The following PAK1 variants were observed in gnomAD, a reference collection of about 807,000 sequenced individuals.
The protein encoded by PAK1 is serine/threonine-protein kinase PAK 1.
A neutral mutation model predicts 67.4 loss-of-function variants in PAK1; 29 were observed. The observed-to-expected ratio is 0.43, with a 90% CI of 0.32 to 0.59. The LOEUF (loss-of-function observed/expected upper bound fraction) is 0.59, where lower values mean the gene tolerates loss of function less well. PAK1 is among the 20% of genes least tolerant of loss of function. The pLI is 0.07. For synonymous variants in PAK1, 223 were observed against 237.4 expected (o/e 0.94, Z 0.56); for missense variants, 337 against 670.7 (o/e 0.50, Z 5.50).
chr11:77,424,896 T>C (rs1002123313), intron 1 of PAK1, among the ~76,000 whole-genome samples: 1 of 152,232 alleles, frequency 6.6e-6, no homozygotes, highest in African/African-American at 2.4e-5. Context: ...AAATGCTTCA[T>C]TCATCTCTGT....
At chr11:77,437,108 TA>T (rs1248904443) in intron 1 of PAK1, among the ~76,000 whole-genome samples, 2 of 152,052 alleles carry the variant, frequency 1.3e-5, no homozygotes, top group East Asian at 3.8e-4. Context: ...GATAAAGAGG[TA>T]AATCATTTAC....
the PAK1 span, among the ~76,000 whole-genome samples, chr11:77,489,321 A>G: frequency 6.6e-6 from 1 of 152,222 alleles, no homozygotes; most frequent in Admixed American, 6.5e-5. Flanking sequence ...TAGTTCTTCA[A>G]TTTGAAAGAA....
the PAK1 span, among the ~76,000 whole-genome samples, chr11:77,492,356 A>G: frequency 7.1e-6 from 1 of 139,900 alleles, no homozygotes; most frequent in African/African-American, 3.2e-5. Flanking sequence ...CAAAAACAAC[A>G]ACAAAAAAAA....
At chr11:77,411,603 T>A (rs1420990655) in intron 1 of PAK1, among the ~76,000 whole-genome samples, 2 of 152,056 alleles carry the variant, frequency 1.3e-5, no homozygotes, top group African/African-American at 4.8e-5. Context: ...GGTGGGCTCA[T>A]CTAAAGGTTC....
At chr11:77,371,425 C>T (rs984205415) in intron 5 of PAK1, among the ~76,000 whole-genome samples, 5 of 152,114 alleles carry the variant, frequency 3.3e-5, no homozygotes, top group African/African-American at 9.7e-5. Context: ...AGACAGTGCA[C>T]GTTCATTTTT....
At chr11:77,414,578 A>G (rs1449427591) in intron 1 of PAK1, among the ~76,000 whole-genome samples, 3 of 152,390 alleles carry the variant, frequency 2.0e-5, no homozygotes, top group African/African-American at 4.8e-5. Context: ...TGAAGTAAAT[A>G]GCCCAAAATA....
intron 2 of PAK1, among the ~76,000 whole-genome samples, chr11:77,389,654 T>C (rs770570882): frequency 3.3e-5 from 5 of 152,248 alleles, no homozygotes; most frequent in Non-Finnish European, 7.3e-5. Flanking sequence ...TTTGTATATG[T>C]TCTTTGGAGA....
intron 1 of PAK1, among the ~76,000 whole-genome samples, chr11:77,455,302 G>GAA (rs35896629): frequency 2.1e-5 from 3 of 145,908 alleles, no homozygotes; most frequent in African/African-American, 7.5e-5. Flanking sequence ...TACAGAGGTT[G>GAA]AAAAAAAAAA....
chr11:77,514,014 AAG>A, the PAK1 span, among the ~76,000 whole-genome samples: 3 of 152,186 alleles, frequency 2.0e-5, no homozygotes, highest in African/African-American at 4.8e-5. Context: ...AAGGAATGAT[AAG>A]AGTCATTATA....
the PAK1 span, among the ~76,000 whole-genome samples, chr11:77,506,595 G>C: frequency 1.7e-4 from 26 of 152,168 alleles, no homozygotes; most frequent in Admixed American, 9.2e-4. Context: ...ACAAGACAGA[G>C]AGAACAGTAA....
At chr11:77,421,119 T>C (rs891032410) in intron 1 of PAK1, among the ~76,000 whole-genome samples, 1 of 152,158 alleles carries the variant, frequency 6.6e-6, no homozygotes, top group Non-Finnish European at 1.5e-5. Context: ...CAAGGCCTTA[T>C]ATGATCTTAC....
At chr11:77,507,846 A>G in the PAK1 span, among the ~76,000 whole-genome samples, 1 of 152,072 alleles carries the variant, frequency 6.6e-6, no homozygotes, top group Non-Finnish European at 1.5e-5. Flanking sequence ...CCTTTTACCA[A>G]ACTTTTTTTA....
At chr11:77,399,775 C>T (rs1318671124) in intron 1 of PAK1, among the ~76,000 whole-genome samples, 12 of 124,078 alleles carry the variant, frequency 9.7e-5, no homozygotes, top group Admixed American at 8.2e-4. Context: ...AGGAGAATGG[C>T]GTGAACCCGG....
At chr11:77,395,858 A>G (rs1951763587) in intron 1 of PAK1, among the ~76,000 whole-genome samples, 1 of 152,130 alleles carries the variant, frequency 6.6e-6, no homozygotes, top group Admixed American at 6.6e-5. Flanking sequence ...CTCTTCCCAG[A>G]TTTACCTTTG....
chr11:77,332,293 G>A lies in PAK1; in HGVS notation c.1551+437C>T, dbSNP rs546519775. On this transcript the variant is annotated intron_variant, in intron 14 of 14. Transcript: ENST00000356341. ...CGCCATTGCACACTCCTGCCTGGGT[G>A]ACAGAGTGAGACCCTGTGGGGCGTG... 5.6e-4 allele frequency among the ~76,000 whole-genome samples: 49 copies of A among 86,958 alleles called. 1 individual carries two copies. In the South Asian group the frequency reaches 5.8e-3, roughly 10 times the overall value. 57.0% of individuals were successfully genotyped at this position (86,958 alleles called of 152,430 possible).
chr11:77,327,841 G>A (rs1337584362), intron 14 of PAK1, among the ~76,000 whole-genome samples: 1 of 152,108 alleles, frequency 6.6e-6, no homozygotes, highest in African/African-American at 2.4e-5. Flanking sequence ...CAGACTGGCA[G>A]ACTGGATAAA....
At chr11:77,439,249 CTCT>C (rs1956255951) in intron 1 of PAK1, among the ~76,000 whole-genome samples, 1 of 152,130 alleles carries the variant, frequency 6.6e-6, no homozygotes, top group East Asian at 1.9e-4. Flanking sequence ...AGCATGCTAT[CTCT>C]TCTATCTTTT....
At chr11:77,468,695 GAGA>G (rs1957711530) in intron 1 of PAK1, among the ~76,000 whole-genome samples, 1 of 152,146 alleles carries the variant, frequency 6.6e-6, no homozygotes, top group Non-Finnish European at 1.5e-5. Flanking sequence ...TTTTCTTAGG[GAGA>G]AGAAGCTAAA....
the PAK1 span, among the ~76,000 whole-genome samples, chr11:77,498,481 G>GAC: frequency 6.7e-3 from 985 of 146,758 alleles, 8 homozygotes; most frequent in African/African-American, 0.023. Context: ...CTCTTTCTCC[G>GAC]ACACACACAC....
Sources: allele counts gnomAD v4.1 joint callset (sites outside exome capture counted in the v4.1 genomes callset), GRCh38; gene constraint gnomAD v4.1.1; transcripts MANE v1.5; gene names NCBI Gene and HGNC (gene_info 2026-07-23, HGNC 2026-07-21).